The following RASGEF1A variants were observed in gnomAD, a reference collection of about 807,000 sequenced individuals.
RASGEF1A encodes RasGEF domain family member 1A.
Under a neutral mutation model 56.4 loss-of-function variants are expected in RASGEF1A, and 18 were observed. That is an observed-to-expected ratio of 0.32 (90% CI 0.22 to 0.47). The LOEUF (loss-of-function observed/expected upper bound fraction) is 0.47, where lower values mean the gene tolerates loss of function less well. Among genes scored for constraint, RASGEF1A ranks in the 20% least tolerant of loss-of-function variants. The pLI, the probability that RASGEF1A is intolerant of heterozygous loss-of-function variation, is 1.00. For synonymous variants in RASGEF1A, 245 were observed against 242.6 expected, an observed-to-expected ratio of 1.01 and a Z score of -0.09; for missense variants, 422 against 627.1, an observed-to-expected ratio of 0.67 and a Z score of 3.49.
intron 1 of RASGEF1A, among the ~76,000 whole-genome samples, chr10:43,212,906 T>A (rs1840088205): frequency 6.6e-6 from 1 of 152,182 alleles, no homozygotes; most frequent in South Asian, 2.1e-4. Flanking sequence ...CACACACAGG[T>A]GCACAGACCC....
At position 43,196,573 on chromosome 10, in the gene RASGEF1A, A is replaced by C. The variant is rs1443616242; in HGVS notation, c.1349-25T>G. 2.5e-6 allele frequency: 4 copies of C among 1,606,898 alleles called. No individual in the cohort carries two copies. The highest frequency in any genetic ancestry group is 3.4e-6 in the Non-Finnish European group (4 of 1,175,728). On this transcript the variant is annotated intron_variant, in intron 11 of 12. Coordinates refer to ENST00000395810, the MANE Select transcript of RASGEF1A (RefSeq NM_145313.4). This position sits in a 1 kb window ranked among gnomAD's most constrained non-coding sequence, Gnocchi z 4.6. ...GCTGAGAGATGGGAAAGTCCCTCAG[A>C]GCCTGTGTCCCCATGCAGTGTCTGC...
At chr10:43,209,981 C>T (rs570124502) in intron 1 of RASGEF1A, among the ~76,000 whole-genome samples, 2 of 152,372 alleles carry the variant, frequency 1.3e-5, no homozygotes, top group South Asian at 4.1e-4. Context: ...CCTCTCAGTT[C>T]CAAGTGTGGC....
intron 1 of RASGEF1A, chr10:43,229,671 C>CCG: frequency 6.7e-7 from 1 of 1,489,862 alleles, no homozygotes; most frequent in Non-Finnish European, 8.9e-7. Context: ...CGCCGGCTCC[C>CCG]CGCGCCGTCC....
At chr10:43,209,948 C>T (rs772050903) in intron 1 of RASGEF1A, among the ~76,000 whole-genome samples, 10 of 152,202 alleles carry the variant, frequency 6.6e-5, no homozygotes, top group Non-Finnish European at 1.3e-4. Context: ...TGCACACTGG[C>T]GTTCTAGACC....
intron 1 of RASGEF1A, among the ~76,000 whole-genome samples, chr10:43,243,168 C>T (rs555339323): frequency 2.0e-5 from 3 of 149,220 alleles, no homozygotes; most frequent in East Asian, 2.0e-4. Context: ...AAGTGAGGAG[C>T]GCCTCTGCCT....
In RASGEF1A at chr10:43,196,449, A is replaced by G. The variant is rs1564526772; in HGVS notation, c.1421+27T>C. On this transcript the variant is annotated intron_variant, in intron 12 of 12. Coordinates refer to ENST00000395810, the MANE Select transcript of RASGEF1A (RefSeq NM_145313.4). This position sits in a 1 kb window ranked among gnomAD's most constrained non-coding sequence, Gnocchi z 4.6. ...CCTGAGTCCTCCCTCTTCCTTACAG[A>G]CTCCCATGTTCCTGACGCCCTCCTA... 1.2e-6 allele frequency: 2 copies of G among 1,608,038 alleles called. No individual in the cohort carries two copies. Among genetic ancestry groups the G allele is most frequent in the South Asian group, 2.2e-5 (2 of 90,850 alleles).
chr10:43,249,463 G>T (rs534761694), intron 1 of RASGEF1A, among the ~76,000 whole-genome samples: 1 of 152,324 alleles, frequency 6.6e-6, no homozygotes, highest in Non-Finnish European at 1.5e-5. Flanking sequence ...AAGCACTTCC[G>T]TGGCTCCAAG....
chr10:43,207,734 G>A (rs1840016503), intron 1 of RASGEF1A: 1 of 981,508 alleles, frequency 1.0e-6, no homozygotes, highest in Non-Finnish European at 1.2e-6. Context: ...ACATTCTCAG[G>A]CCTAGCCCCA....
intron 1 of RASGEF1A, among the ~76,000 whole-genome samples, chr10:43,249,698 C>A (rs573200372): frequency 6.6e-6 from 1 of 152,348 alleles, no homozygotes; most frequent in East Asian, 1.9e-4. Flanking sequence ...GTTCCCCTTG[C>A]CTGCCAAGCA....
intron 1 of RASGEF1A, among the ~76,000 whole-genome samples, chr10:43,258,769 T>A (rs1469120177): frequency 6.6e-6 from 1 of 152,262 alleles, no homozygotes; most frequent in Non-Finnish European, 1.5e-5. Context: ...AGCCTCTTCA[T>A]GCCTGGTGGG....
intron 1 of RASGEF1A, among the ~76,000 whole-genome samples, chr10:43,218,135 A>G (rs1055350683): frequency 6.6e-6 from 1 of 152,198 alleles, no homozygotes; most frequent in African/African-American, 2.4e-5. Flanking sequence ...GACAGGCTCA[A>G]TGCCTGGTGG....
intron 1 of RASGEF1A, among the ~76,000 whole-genome samples, chr10:43,242,409 A>G (rs1190304579): frequency 6.6e-6 from 1 of 152,224 alleles, no homozygotes; most frequent in Non-Finnish European, 1.5e-5. Context: ...AGACAATTCA[A>G]CAAAAATAGT....
chr10:43,261,884 A>G (rs755794875), intron 1 of RASGEF1A, among the ~76,000 whole-genome samples: 1 of 152,192 alleles, frequency 6.6e-6, no homozygotes, highest in Non-Finnish European at 1.5e-5. Context: ...GCCTACAGAG[A>G]AGTCCAGGCA....
chr10:43,212,746 C>G (rs1840085353), intron 1 of RASGEF1A, among the ~76,000 whole-genome samples: 1 of 152,226 alleles, frequency 6.6e-6, no homozygotes, highest in Non-Finnish European at 1.5e-5. Context: ...TCTCCAGGAC[C>G]TTTTCCAGTG....
At chr10:43,234,587 C>T (rs1840408581) in intron 1 of RASGEF1A, among the ~76,000 whole-genome samples, 2 of 152,192 alleles carry the variant, frequency 1.3e-5, no homozygotes, top group Non-Finnish European at 2.9e-5. Flanking sequence ...CCCACAAGGC[C>T]TTGGGTTCCA....
At chr10:43,250,759 G>A (rs1840619329) in intron 1 of RASGEF1A, among the ~76,000 whole-genome samples, 1 of 152,220 alleles carries the variant, frequency 6.6e-6, no homozygotes, top group Admixed American at 6.5e-5. Context: ...AGCACATGAG[G>A]GGCATTGTGG....
At chr10:43,209,399 G>A (rs577015644) in intron 1 of RASGEF1A, among the ~76,000 whole-genome samples, 4 of 152,264 alleles carry the variant, frequency 2.6e-5, no homozygotes, top group East Asian at 1.9e-4. Context: ...GCCCAAGTCC[G>A]AGCCTGGCTC....
intron 1 of RASGEF1A, among the ~76,000 whole-genome samples, chr10:43,210,265 A>T (rs1221616996): frequency 6.6e-6 from 1 of 152,132 alleles, no homozygotes; most frequent in Non-Finnish European, 1.5e-5. Context: ...TGAACTCAGG[A>T]GTTGGAGACA....
At chr10:43,217,895 G>A (rs779392428) in intron 1 of RASGEF1A, among the ~76,000 whole-genome samples, 5 of 152,274 alleles carry the variant, frequency 3.3e-5, no homozygotes, top group South Asian at 2.1e-4. Flanking sequence ...GAGCTGAAAC[G>A]TGTCTCCCTT....
Sources: gnomAD v4.1 joint callset for allele counts (sites outside exome capture counted in the v4.1 genomes callset) on GRCh38, gnomAD v4.1.1 for gene constraint, Gnocchi (gnomAD v3.1) non-coding constraint, MANE v1.5 for transcripts, NCBI Gene and HGNC (gene_info 2026-07-23, HGNC 2026-07-21) for gene names.